The following N4BP1 variants were observed in gnomAD, a reference collection of about 807,000 sequenced individuals.
N4BP1 encodes NEDD4 binding protein 1.
In N4BP1, 21 loss-of-function variants were observed where a neutral mutation model predicts 70.9. The ratio of observed to expected loss-of-function variants is 0.30; its 90% CI spans 0.21 to 0.43. N4BP1 has a LOEUF of 0.43. Among genes scored for constraint, N4BP1 ranks in the 20% least tolerant of loss-of-function variants. N4BP1 has a pLI of 1.00. For synonymous variants in N4BP1, 387 were observed against 394.6 expected, an observed-to-expected ratio of 0.98 and a Z score of 0.23; for missense variants, 936 against 1,069.4, an observed-to-expected ratio of 0.88 and a Z score of 1.74.
At chr16:48,592,565 G>T (rs1338029343) in intron 1 of N4BP1, among the ~76,000 whole-genome samples, 4 of 152,126 alleles carry the variant, frequency 2.6e-5, no homozygotes, top group Non-Finnish European at 5.9e-5. Context: ...TTATATAAAA[G>T]AGCTCTAATT....
chr16:48,591,526 G>C (rs1034344106), intron 1 of N4BP1, among the ~76,000 whole-genome samples: 1 of 151,738 alleles, frequency 6.6e-6, no homozygotes, highest in South Asian at 2.1e-4. Context: ...CCTGGCTAGA[G>C]TCTGATAATA....
chr16:48,561,523 A>C lies in N4BP1; in HGVS notation c.1120T>G (p.Ser374Ala). The change falls in exon 2 of 7, where the codon TCT becomes GCT. Residue 374 changes from serine to alanine, a missense_variant. This residue lies in a region of N4BP1 where 515 missense variants were observed against 491.7 expected (regional missense o/e 1.05). Coordinates refer to ENST00000262384, the MANE Select transcript of N4BP1 (RefSeq NM_153029.4). ...TCTAAGAGCAATAATGGTTCAGTAG[A>C]TGGTCCATACACCTTAATGACCTTT... is the stretch of plus-strand genomic sequence containing the variant. ...VEKVIKVYGP[S>A]TEPLLLLEEI... 1 of 1,613,644 alleles carries C rather than the reference A, an allele frequency of 6.2e-7. No individual in the cohort carries two copies. The highest frequency in any genetic ancestry group is 1.6e-4 in the Middle Eastern group (1 of 6,062).
chr16:48,570,112 A>G (rs959743368), intron 1 of N4BP1, among the ~76,000 whole-genome samples: 4 of 150,186 alleles, frequency 2.7e-5, no homozygotes, highest in African/African-American at 9.8e-5. Context: ...TTCGATTGCC[A>G]CCACATGATT....
chr16:48,583,441 G>C (rs1964201106), intron 1 of N4BP1, among the ~76,000 whole-genome samples: 1 of 152,178 alleles, frequency 6.6e-6, no homozygotes, highest in Non-Finnish European at 1.5e-5. Flanking sequence ...AAGGACACAA[G>C]ATTACAGTTA....
chr16:48,558,284 TCA>T (rs1963786503), intron 2 of N4BP1, among the ~76,000 whole-genome samples: 1 of 122,164 alleles, frequency 8.2e-6, no homozygotes, highest in Non-Finnish European at 1.7e-5. Context: ...CCCAAAACAA[TCA>T]GTTTTCCAAA....
chr16:48,565,661 C>T (rs1200847776), intron 1 of N4BP1, among the ~76,000 whole-genome samples: 1 of 152,174 alleles, frequency 6.6e-6, no homozygotes, highest in African/African-American at 2.4e-5. Context: ...AGAAAGTGTT[C>T]TCTCCTCTTG....
Position 48,561,573 on chromosome 16 carries a change from A to G in N4BP1, c.1070T>C (p.Met357Thr), listed in dbSNP as rs1323605305. Residue 357 changes from methionine (M) to threonine (T), a missense_variant, in exon 2 of 7, where the codon ATG (methionine) becomes ACG (threonine). By Grantham distance (81) the Met-to-Thr change is moderately conservative (BLOSUM62 -1). This residue lies in a region of N4BP1 where 515 missense variants were observed against 491.7 expected (regional missense o/e 1.05). Coordinates refer to ENST00000262384, the MANE Select transcript of N4BP1 (RefSeq NM_153029.4). Reference protein sequence around the residue: ...YNILVNFFKTMGYSQEIVEKV... With the variant: ...YNILVNFFKTTGYSQEIVEKV... ...TTCAACAATTTCTTGGGAGTAGCCC[A>G]TGGTTTTAAAAAAGTTTACGAGGAT... is the stretch of plus-strand genomic sequence containing the variant. 1 of 1,613,864 alleles carries G rather than the reference A, an allele frequency of 6.2e-7. No individual in the cohort carries two copies. The highest frequency in any genetic ancestry group is 8.5e-7 in the Non-Finnish European group (1 of 1,179,872).
In N4BP1 at chr16:48,563,142, A is replaced by T. The variant is rs58278910; in HGVS notation, c.199-698T>A. ...ATGTTGGTATTGAAATAAAAAATTT[A>T]AAAAAAAAAGTTTTCTTTTAATTTA... On this transcript the variant is annotated intron_variant, in intron 1 of 6. Transcript: ENST00000262384. Among the ~76,000 whole-genome samples the T allele has an allele frequency of 1.4e-3, 212 of 149,822 alleles. 2 individuals carry two copies. The highest frequency in any genetic ancestry group is 1.9e-3 in the Non-Finnish European group (130 of 67,336).
chr16:48,598,335 A>G (rs377252329), intron 1 of N4BP1, among the ~76,000 whole-genome samples: 34 of 152,336 alleles, frequency 2.2e-4, no homozygotes, highest in East Asian at 1.4e-3. Flanking sequence ...GACACTAATA[A>G]AAACATTAAT....
Position 48,560,920 on chromosome 16 carries a change from T to G in N4BP1, c.1723A>C (p.Thr575Pro). The change falls in exon 2 of 7, where the codon ACT (threonine) becomes CCT (proline). Residue 575 changes from threonine (T) to proline (P), a missense_variant. Thr to Pro is a conservative substitution (Grantham distance 38). Around this residue, in one of 4 missense-constraint regions of N4BP1, gnomAD observed 515 missense variants for 491.7 expected, o/e 1.05. Transcript: ENST00000262384. ...MPLPQLLPSV[T>P]DARSAGPSDH... ...GAAGGTCCTGCCGACCTTGCATCAG[T>G]AACCGAAGGTAACAGCTGGGGCAGT... The G allele has an allele frequency of 6.2e-7, 1 of 1,614,010 alleles. No individual in the cohort carries two copies.
chr16:48,582,353 T>G (rs1964185234), intron 1 of N4BP1, among the ~76,000 whole-genome samples: 1 of 152,226 alleles, frequency 6.6e-6, no homozygotes, highest in African/African-American at 2.4e-5. Context: ...CATTCCTCTG[T>G]CTGGTATATC....
chr16:48,580,226 C>G (rs959801543), intron 1 of N4BP1, among the ~76,000 whole-genome samples: 1 of 151,732 alleles, frequency 6.6e-6, no homozygotes, highest in Admixed American at 6.6e-5. Flanking sequence ...AAAGAGGAGA[C>G]AAAATCAGAA....
intron 3 of N4BP1, among the ~76,000 whole-genome samples, chr16:48,552,736 A>AAAAAAAAAAAAAAAAC (rs1963693762): frequency 6.9e-6 from 1 of 145,270 alleles, no homozygotes; most frequent in South Asian, 2.2e-4. Context: ...AAAAAAAAAA[A>AAAAAAAAAAAAAAAAC]AAGACTCCTT....
chr16:48,600,857 C>T (rs1477902138), intron 1 of N4BP1, among the ~76,000 whole-genome samples: 4 of 152,046 alleles, frequency 2.6e-5, no homozygotes, highest in Admixed American at 6.6e-5. Flanking sequence ...ATGTAAATCA[C>T]GAAAATTCTA....
rs564220502 is a variant in N4BP1 at position 48,553,424 on chromosome 16, A to C, written c.2020+115T>G. The stretch of plus-strand genomic sequence containing the variant: ...CTAGGTGCAGTAGATTTACAATTTT[A>C]TTTTTAAAGCCGCTGCCTATGGCAC... On this transcript the variant is annotated intron_variant, in intron 3 of 6. Coordinates refer to ENST00000262384, the MANE Select transcript of N4BP1 (RefSeq NM_153029.4). 965 of 1,065,706 alleles carry C rather than the reference A, an allele frequency of 9.1e-4. 2 individuals carry two copies. Among genetic ancestry groups the C allele is most frequent in the Non-Finnish European group, 1.2e-3 (932 of 809,490 alleles). 66.0% of individuals were successfully genotyped at this position (1,065,706 alleles called of 1,614,324 possible). A position where few individuals can be genotyped will look rare whatever the true frequency, so the allele number is the denominator to read the frequency against.
intron 5 of N4BP1, 148 bp downstream of exon 5, chr16:48,547,859 A>T: frequency 3.4e-6 from 2 of 587,028 alleles, no homozygotes; most frequent in South Asian, 4.0e-5. Flanking sequence ...ATGAAGTGGG[A>T]GTGCAGCACA....
In N4BP1 at chr16:48,561,440, T is replaced by A. The variant is rs778159153; in HGVS notation, c.1203A>T (p.Thr401=). ...TGGTTTTGTTGGTCTCTGGATACAC[T>A]GTACCAGCTGAAAATTCTCTGTCTT... is the stretch of plus-strand genomic sequence containing the variant. ...FQEDREFSAG[T]VYPETNKTKN... Residue 401 remains threonine, a synonymous_variant, in exon 2 of 7, where the codon ACA becomes ACT. Coordinates refer to ENST00000262384, the MANE Select transcript of N4BP1 (RefSeq NM_153029.4). 11 of 1,612,442 alleles carry A rather than the reference T, an allele frequency of 6.8e-6. No individual in the cohort carries two copies. The East Asian group carries it at 2.0e-4, about 29-fold the overall frequency.
chr16:48,589,592 C>T (rs184017945), intron 1 of N4BP1, among the ~76,000 whole-genome samples: 202 of 152,262 alleles, frequency 1.3e-3, no homozygotes, highest in African/African-American at 4.6e-3. Flanking sequence ...CAGTAAGTGT[C>T]TTGCCCAGAG....
intron 1 of N4BP1, among the ~76,000 whole-genome samples, chr16:48,595,394 T>C (rs1964395623): frequency 7.4e-6 from 1 of 135,534 alleles, no homozygotes. Context: ...GGGGCAGAGG[T>C]TGTAGTGAGC....
Sources: gnomAD v4.1 joint callset for allele counts (sites outside exome capture counted in the v4.1 genomes callset) on GRCh38, gnomAD v4.1.1 for gene constraint, gnomAD v4.1.1 regional missense constraint, MANE v1.5 for transcripts, NCBI Gene and HGNC (gene_info 2026-07-23, HGNC 2026-07-21) for gene names.